The following XYLT1 variants were observed in gnomAD, a reference collection of about 807,000 sequenced individuals.
The protein encoded by XYLT1 is beta-D-xylosyltransferase 1.
XYLT1 carries 36 observed loss-of-function variants against 91.3 expected under a neutral mutation model. That is an observed-to-expected ratio of 0.39 (90% CI 0.30 to 0.52). XYLT1 has a LOEUF of 0.52. Among genes scored for constraint, XYLT1 ranks in the 20% least tolerant of loss-of-function variants. The probability of loss-of-function intolerance (pLI) is 0.68; values close to 1 mark genes in which losing one functional copy is unlikely to be tolerated. For missense variants in XYLT1, 1,242 were observed against 1,284.5 expected, an observed-to-expected ratio of 0.97 and a Z score of 0.51; for synonymous variants, 588 against 532.0, an observed-to-expected ratio of 1.11 and a Z score of -1.45.
rs139095514 is a variant in XYLT1, at chr16:17,418,149, T to G, written c.363+52285A>C. On this transcript the variant is annotated intron_variant, in intron 1 of 11. Transcript: ENST00000261381. ...AGATGATACTAAAGCACTGTTTTAG[T>G]CATTACGTTAGAGAACTATTTGTTA... Among the ~76,000 whole-genome samples the G allele has an allele frequency of 5.4e-3, 830 of 152,340 alleles. 9 individuals carry two copies. The highest frequency in any genetic ancestry group is 4.9e-3 in the Non-Finnish European group (333 of 68,030).
chr16:17,281,637 G>A (rs1224114220), intron 2 of XYLT1, among the ~76,000 whole-genome samples: 1 of 152,204 alleles, frequency 6.6e-6, no homozygotes, highest in East Asian at 1.9e-4. Flanking sequence ...GTTGCACAGG[G>A]AAATGTGTAA....
chr16:17,411,583 A>G (rs540475158), intron 1 of XYLT1, among the ~76,000 whole-genome samples: 1 of 152,330 alleles, frequency 6.6e-6, no homozygotes, highest in East Asian at 1.9e-4. Context: ...CAATGAATTG[A>G]GAACAATCAC....
At chr16:17,176,794 T>C (rs1162900467) in intron 5 of XYLT1, among the ~76,000 whole-genome samples, 1 of 151,656 alleles carries the variant, frequency 6.6e-6, no homozygotes, top group Non-Finnish European at 1.5e-5. Context: ...ATACTAGCTA[T>C]CATGTTTCCC....
At chr16:17,333,587 A>AT (rs140911793) in intron 2 of XYLT1, among the ~76,000 whole-genome samples, 57,249 of 139,802 alleles carry the variant, frequency 0.41, 12,310 homozygotes, top group Admixed American at 0.5. Context: ...AATTAATTTA[A>AT]TTTATTTTTT....
chr16:17,315,686 C>T (rs2141825344), intron 2 of XYLT1, among the ~76,000 whole-genome samples: 1 of 152,282 alleles, frequency 6.6e-6, no homozygotes, highest in African/African-American at 2.4e-5. Flanking sequence ...AAATGGACCC[C>T]ATGAGGCAGA....
chr16:17,122,947 A>G (rs2030126746), intron 10 of XYLT1, among the ~76,000 whole-genome samples: 1 of 152,124 alleles, frequency 6.6e-6, no homozygotes, highest in African/African-American at 2.4e-5. Context: ...GCCTTTTTTT[A>G]TACCAGTACC....
At chr16:17,380,040 C>T (rs35122877) in intron 1 of XYLT1, among the ~76,000 whole-genome samples, 45,459 of 151,984 alleles carry the variant, frequency 0.3, 7,400 homozygotes, top group Non-Finnish European at 0.38. Flanking sequence ...GTAATCCCAG[C>T]ATTTTGGGAG....
chr16:17,220,911 A>C (rs922479759), intron 3 of XYLT1, among the ~76,000 whole-genome samples: 3 of 152,194 alleles, frequency 2.0e-5, no homozygotes, highest in Admixed American at 1.3e-4. Context: ...TCTTAAAAGC[A>C]ACAGATTGTG....
chr16:17,225,177 A>ACACACACACT (rs150256998), intron 3 of XYLT1, among the ~76,000 whole-genome samples: 2 of 147,462 alleles, frequency 1.4e-5, no homozygotes, highest in African/African-American at 2.5e-5. Context: ...ACACACACAC[A>ACACACACACT]CTCTCTCTCT....
chr16:17,350,234 G>A lies in XYLT1; in HGVS notation c.402+7778C>T, dbSNP rs567032106. On this transcript the variant is annotated intron_variant, in intron 2 of 11. Transcript: ENST00000261381. ...TTAAATTCAAACTTTCAATGTCTTC[G>A]GTGAAGTCCACTCCCAACAAGAAGG... is the stretch of plus-strand genomic sequence containing the variant. Among the ~76,000 whole-genome samples, 7 of 152,272 alleles carry A rather than the reference G, an allele frequency of 4.6e-5. No individual in the cohort carries two copies. The South Asian group carries it at 1.0e-3, about 23-fold the overall frequency.
chr16:17,300,770 T>C (rs1289042300), intron 2 of XYLT1, among the ~76,000 whole-genome samples: 1 of 151,994 alleles, frequency 6.6e-6, no homozygotes, highest in Non-Finnish European at 1.5e-5. Flanking sequence ...AATGCAGCTA[T>C]TAAAAAGAAT....
At chr16:17,383,853 T>C (rs570965036) in intron 1 of XYLT1, among the ~76,000 whole-genome samples, 1 of 150,406 alleles carries the variant, frequency 6.6e-6, no homozygotes, top group African/African-American at 2.4e-5. Flanking sequence ...GTTCAAGTGA[T>C]TCTCCTGTCT....
intron 2 of XYLT1, among the ~76,000 whole-genome samples, chr16:17,353,744 A>T (rs1160275651): frequency 6.6e-6 from 1 of 152,152 alleles, no homozygotes; most frequent in African/African-American, 2.4e-5. Flanking sequence ...TGGACGTTGG[A>T]TTGCATATAC....
Position 17,216,091 on chromosome 16 carries a change from G to A in XYLT1, c.914-15437C>T, listed in dbSNP as rs535483821. ...TGTGTCCAGAAAGCCTGCTCTATCT[G>A]TACTCCCTGCCCTCTTGACCCAGAG... On this transcript the variant is annotated intron_variant, in intron 3 of 11. Coordinates refer to ENST00000261381, the MANE Select transcript of XYLT1 (RefSeq NM_022166.4). Among the ~76,000 whole-genome samples, 6 of 152,310 alleles carry A rather than the reference G, an allele frequency of 3.9e-5. No individual in the cohort carries two copies. The East Asian group carries it at 1.2e-3, about 29-fold the overall frequency.
At chr16:17,451,577 C>T (rs2036666160) in intron 1 of XYLT1, among the ~76,000 whole-genome samples, 1 of 152,232 alleles carries the variant, frequency 6.6e-6, no homozygotes, top group Admixed American at 6.5e-5. Flanking sequence ...TGTCTGCAAA[C>T]ATCCTGGGTA....
rs746009558 is a variant in XYLT1, at chr16:17,138,539, G to C, written c.1588-8C>G. The C allele has an allele frequency of 6.2e-7, 1 of 1,611,884 alleles. No individual in the cohort carries two copies. The highest frequency in any genetic ancestry group is 1.1e-5 in the South Asian group (1 of 91,048). On this transcript the variant is annotated splice_region_variant and splice_polypyrimidine_tract_variant and intron_variant, in intron 7 of 11. Transcript: ENST00000261381. ...GACCGTATGGAAGAAGGACTGCAGG[G>C]GAGAGAGGGACCCAGCCTGAGACCT...
At chr16:17,467,070 A>C (rs1335772277) in intron 1 of XYLT1, among the ~76,000 whole-genome samples, 1 of 152,212 alleles carries the variant, frequency 6.6e-6, no homozygotes, top group Non-Finnish European at 1.5e-5. Flanking sequence ...AGTAATGTGA[A>C]GCATGAGGAA....
intron 5 of XYLT1, among the ~76,000 whole-genome samples, chr16:17,186,173 G>C (rs201315019): frequency 1.3e-5 from 2 of 151,952 alleles, no homozygotes; most frequent in African/African-American, 2.4e-5. Flanking sequence ...GCGCGATCTC[G>C]GCTCACTGCA....
intron 3 of XYLT1, among the ~76,000 whole-genome samples, chr16:17,256,443 G>A (rs552712543): frequency 6.6e-6 from 1 of 152,104 alleles, no homozygotes; most frequent in South Asian, 2.1e-4. Flanking sequence ...ACTAGGTCAG[G>A]AGTTCAAGAC....
Sources: gnomAD v4.1 joint callset for allele counts (sites outside exome capture counted in the v4.1 genomes callset) on GRCh38, gnomAD v4.1.1 for gene constraint, MANE v1.5 for transcripts, NCBI Gene and HGNC (gene_info 2026-07-23, HGNC 2026-07-21) for gene names.